The following ZNF609 variants were observed in gnomAD, a reference collection of about 807,000 sequenced individuals.
ZNF609 encodes zinc finger protein 609.
ZNF609 carries 11 observed loss-of-function variants against 109.5 expected under a neutral mutation model. The observed-to-expected ratio is 0.10, with a 90% confidence interval of 0.06 to 0.17. The LOEUF (loss-of-function observed/expected upper bound fraction) is 0.17. Ranked by LOEUF, ZNF609 falls within the 10% of genes least tolerant of loss-of-function variation. ZNF609 has a pLI of 1.00. For missense variants in ZNF609, 1,559 were observed against 1,772.4 expected (o/e 0.88, Z 2.16); for synonymous variants, 646 against 662.0 (o/e 0.98, Z 0.37).
intron 3 of ZNF609, among the ~76,000 whole-genome samples, chr15:64,640,684 A>G (rs537105828): frequency 6.6e-6 from 1 of 152,292 alleles, no homozygotes; most frequent in Non-Finnish European, 1.5e-5. Context: ...CATTGAGATG[A>G]TACCATCTTT....
At chr15:64,490,384 C>T (rs542053868) in intron 1 of ZNF609, among the ~76,000 whole-genome samples, 1 of 151,956 alleles carries the variant, frequency 6.6e-6, no homozygotes, top group East Asian at 1.9e-4. Context: ...AGTGATTCTC[C>T]TGCCTCAGCC....
At chr15:64,494,736 G>A (rs1893459415) in intron 1 of ZNF609, among the ~76,000 whole-genome samples, 2 of 152,034 alleles carry the variant, frequency 1.3e-5, no homozygotes, top group South Asian at 4.1e-4. Context: ...ATGTTGGCCA[G>A]GCTGGTCTTA....
chr15:64,574,106 G>T (rs72742927), intron 2 of ZNF609, among the ~76,000 whole-genome samples: 7,262 of 151,224 alleles, frequency 0.048, 237 homozygotes, highest in South Asian at 0.086. Flanking sequence ...TCACTGAGGG[G>T]CTAACAGCTG....
At chr15:64,510,402 T>TA (rs1486110437) in intron 2 of ZNF609, among the ~76,000 whole-genome samples, 1 of 151,814 alleles carries the variant, frequency 6.6e-6, no homozygotes, top group Non-Finnish European at 1.5e-5. Flanking sequence ...GTTGGGATCT[T>TA]ACTGGTTGTC....
At chr15:64,528,045 TA>T (rs1893995906) in intron 2 of ZNF609, among the ~76,000 whole-genome samples, 1 of 152,294 alleles carries the variant, frequency 6.6e-6, no homozygotes, top group South Asian at 2.1e-4. Context: ...TTGAATATTA[TA>T]TAGGGGTTAA....
intron 3 of ZNF609, chr15:64,654,205 T>A (rs1416817130): frequency 1.3e-5 from 2 of 152,016 alleles, no homozygotes; most frequent in East Asian, 3.9e-4. Flanking sequence ...CCCGGCTAAT[T>A]TTTGTATTTT....
At chr15:64,552,433 G>C (rs185939034) in intron 2 of ZNF609, among the ~76,000 whole-genome samples, 1 of 152,034 alleles carries the variant, frequency 6.6e-6, no homozygotes, top group Non-Finnish European at 1.5e-5. Context: ...GTGCAGTGAC[G>C]CGATCTTGGC....
chr15:64,646,799 G>T (rs1328933477), intron 3 of ZNF609, among the ~76,000 whole-genome samples: 1 of 151,234 alleles, frequency 6.6e-6, no homozygotes, highest in Non-Finnish European at 1.5e-5. Context: ...AATTAGCTGG[G>T]CATGGTGGCG....
chr15:64,670,283 A>G (rs1417624107), intron 3 of ZNF609, 63 bp from the exon 4 acceptor site: 1 of 1,353,350 alleles, frequency 7.4e-7, no homozygotes, highest in African/African-American at 1.4e-5. Flanking sequence ...TGATCAAAAG[A>G]ATACTATTCT....
intron 2 of ZNF609, among the ~76,000 whole-genome samples, chr15:64,563,567 C>T (rs886950799): frequency 2.6e-5 from 4 of 151,842 alleles, no homozygotes; most frequent in Non-Finnish European, 4.4e-5. Context: ...ACCTGAAGGT[C>T]GGGAGTTCGA....
Position 64,674,535 on chromosome 15 carries a change from C to T in ZNF609, c.1681C>T (p.Pro561Ser). Residue 561 changes from proline (P) to serine (S), a missense_variant, in exon 5 of 10, where the codon CCT (proline) becomes TCT (serine). Pro to Ser is a moderately conservative substitution (Grantham distance 74). Around this residue, in one of 4 missense-constraint regions of ZNF609, gnomAD observed 1,204 missense variants for 1,314.1 expected, o/e 0.92. Coordinates refer to ENST00000326648, the MANE Select transcript of ZNF609 (RefSeq NM_015042.2). ...TGTCTCACAAAAAGGTTCCTTGTCC[C>T]CTGCCCGCTCAGCTACCCCCAAAGT... The part of the protein sequence containing the change: ...ASVSQKGSLS[P>S]ARSATPKVRL... 1.2e-6 allele frequency: 2 copies of T among 1,614,064 alleles called. No individual in the cohort carries two copies. Among genetic ancestry groups the T allele is most frequent in the Non-Finnish European group, 1.7e-6 (2 of 1,180,000 alleles).
chr15:64,582,633 G>T (rs1311569151), intron 2 of ZNF609, among the ~76,000 whole-genome samples: 2 of 151,022 alleles, frequency 1.3e-5, no homozygotes, highest in Admixed American at 6.6e-5. Flanking sequence ...AAACTGTTCT[G>T]CCTGTTCTCA....
At chr15:64,593,555 C>G (rs1895338429) in intron 2 of ZNF609, among the ~76,000 whole-genome samples, 1 of 152,162 alleles carries the variant, frequency 6.6e-6, no homozygotes, top group East Asian at 1.9e-4. Context: ...GAGACAGGGT[C>G]TTGTTCTCTC....
intron 1 of ZNF609, among the ~76,000 whole-genome samples, chr15:64,471,669 C>T (rs547054617): frequency 1.3e-5 from 2 of 152,074 alleles, no homozygotes; most frequent in South Asian, 2.1e-4. Flanking sequence ...CCGCAACTTC[C>T]GCCTCCCGGT....
At chr15:64,525,733 CTTT>C (rs1462672931) in intron 2 of ZNF609, among the ~76,000 whole-genome samples, 1 of 151,886 alleles carries the variant, frequency 6.6e-6, no homozygotes, top group Non-Finnish European at 1.5e-5. Context: ...TTTATAACTT[CTTT>C]AATTTCCATC....
chr15:64,680,920 A>C, intron 8 of ZNF609, 58 bp downstream of exon 8: 1 of 1,582,636 alleles, frequency 6.3e-7, no homozygotes, highest in East Asian at 2.2e-5. Context: ...GTTTATCTTC[A>C]TCCCAGTAGT....
At chr15:64,649,238 A>G (rs576137020) in intron 3 of ZNF609, among the ~76,000 whole-genome samples, 96 of 152,244 alleles carry the variant, frequency 6.3e-4, no homozygotes, top group African/African-American at 2.2e-3. Flanking sequence ...AAAAATTCTA[A>G]ATCTTTACAT....
intron 2 of ZNF609, among the ~76,000 whole-genome samples, chr15:64,613,970 C>G (rs1701477522): frequency 6.6e-6 from 1 of 151,952 alleles, no homozygotes; most frequent in Non-Finnish European, 1.5e-5. Context: ...ATCACCCAGG[C>G]TGGAGTGCAA....
intron 3 of ZNF609, among the ~76,000 whole-genome samples, chr15:64,665,930 A>G (rs568995141): frequency 6.7e-6 from 1 of 150,358 alleles, no homozygotes; most frequent in East Asian, 1.9e-4. Flanking sequence ...AAAATTAAAA[A>G]TTAAATTAAA....
Sources: gnomAD v4.1 joint callset for allele counts (sites outside exome capture counted in the v4.1 genomes callset) on GRCh38, gnomAD v4.1.1 for gene constraint, gnomAD v4.1.1 regional missense constraint, MANE v1.5 for transcripts, NCBI Gene and HGNC (gene_info 2026-07-23, HGNC 2026-07-21) for gene names.